The following LPAR3 variants were observed in gnomAD, a reference collection of about 807,000 sequenced individuals.
The protein encoded by LPAR3 is lysophosphatidic acid receptor 3, also known as LPA receptor 3.
Under a neutral mutation model 17.8 loss-of-function variants are expected in LPAR3, and 7 were observed. The observed-to-expected ratio is 0.39, with a 90% CI of 0.22 to 0.74. The LOEUF (loss-of-function observed/expected upper bound fraction) is 0.74, where lower values mean the gene tolerates loss of function less well. LPAR3 is among the 30% of genes least tolerant of loss of function. The pLI is 0.40. For missense variants in LPAR3, 391 were observed against 453.4 expected (o/e 0.86, Z 1.25); for synonymous variants, 179 against 179.9 (o/e 0.99, Z 0.04).
intron 2 of LPAR3, among the ~76,000 whole-genome samples, chr1:84,814,436 C>T (rs1446028959): frequency 6.6e-6 from 1 of 152,180 alleles, no homozygotes; most frequent in Non-Finnish European, 1.5e-5. Flanking sequence ...GAGAGACTCA[C>T]ATTTACATTC....
At chr1:84,860,131 G>A (rs982890828) in intron 2 of LPAR3, among the ~76,000 whole-genome samples, 3 of 152,178 alleles carry the variant, frequency 2.0e-5, no homozygotes, top group Non-Finnish European at 2.9e-5. Flanking sequence ...TTGCCTCAGG[G>A]CTGCTGAAAC....
chr1:84,864,210 T>TC (rs1372481665), intron 2 of LPAR3, among the ~76,000 whole-genome samples: 7 of 145,340 alleles, frequency 4.8e-5, no homozygotes, highest in Non-Finnish European at 6.0e-5. Flanking sequence ...AGGTCCTGTC[T>TC]CAAAAAAAAA....
At chr1:84,815,428 G>A (rs938723615) in intron 2 of LPAR3, among the ~76,000 whole-genome samples, 1 of 152,182 alleles carries the variant, frequency 6.6e-6, no homozygotes, top group South Asian at 2.1e-4. Flanking sequence ...CAGAGAAGAC[G>A]ACAAACAAGC....
intron 2 of LPAR3, among the ~76,000 whole-genome samples, chr1:84,821,334 C>G (rs995197797): frequency 6.6e-6 from 1 of 152,070 alleles, no homozygotes; most frequent in Non-Finnish European, 1.5e-5. Context: ...CACACTGAGG[C>G]CCCTCTGAGG....
intron 1 of LPAR3, among the ~76,000 whole-genome samples, chr1:84,873,252 C>T (rs1189053491): frequency 2.0e-5 from 3 of 152,126 alleles, no homozygotes; most frequent in Non-Finnish European, 4.4e-5. Context: ...TTAACTGCAA[C>T]AAATATACCA....
Position 84,845,767 on chromosome 1 carries a change from C to T in LPAR3, c.736+19618G>A, listed in dbSNP as rs147663289. Reference sequence around the variant, plus strand: ...AAAAGAAAATGCAGGCTTTGATAAACTCAACATGTATTTACTTGAGGAAAA... The same window carrying T: ...AAAAGAAAATGCAGGCTTTGATAAATTCAACATGTATTTACTTGAGGAAAA... On this transcript the variant is annotated intron_variant, in intron 2 of 2. Coordinates refer to ENST00000370611, the MANE Select transcript of LPAR3 (RefSeq NM_012152.3). Among the ~76,000 whole-genome samples the T allele has an allele frequency of 5.4e-3, 815 of 152,246 alleles. 8 individuals are homozygous for T. The highest frequency in any genetic ancestry group is 0.019 in the African/African-American group (771 of 41,548).
In LPAR3 at chr1:84,838,031, T is replaced by G. The variant is rs138885361; in HGVS notation, c.737-23860A>C. Among the ~76,000 whole-genome samples the G allele has an allele frequency of 3.9e-5, 6 of 152,214 alleles. No individual in the cohort carries two copies. In the East Asian group the frequency reaches 1.2e-3, roughly 29 times the overall value. On this transcript the variant is annotated intron_variant, in intron 2 of 2. Coordinates refer to ENST00000370611, the MANE Select transcript of LPAR3 (RefSeq NM_012152.3). ...AAGGTGATGTGATTAAAACATCTCCTTAGAACACTAGAGCTCTGCAAAACA... is the reference window on the plus strand; with the variant it reads ...AAGGTGATGTGATTAAAACATCTCCGTAGAACACTAGAGCTCTGCAAAACA...
intron 2 of LPAR3, among the ~76,000 whole-genome samples, chr1:84,864,797 AAG>A (rs1450343681): frequency 1.3e-5 from 2 of 152,178 alleles, no homozygotes; most frequent in Non-Finnish European, 2.9e-5. Context: ...AAAAAGAAAA[AAG>A]AAAAAAAAAT....
chr1:84,830,305 A>T (rs1659258034), intron 2 of LPAR3, among the ~76,000 whole-genome samples: 1 of 152,142 alleles, frequency 6.6e-6, no homozygotes, highest in Non-Finnish European at 1.5e-5. Flanking sequence ...AGTTAATTAG[A>T]TACATAAACA....
intron 2 of LPAR3, among the ~76,000 whole-genome samples, chr1:84,857,180 G>C (rs1211486342): frequency 1.3e-5 from 2 of 152,128 alleles, no homozygotes; most frequent in African/African-American, 2.4e-5. Flanking sequence ...CAGGTTACTT[G>C]GTGATAGAAC....
chr1:84,855,188 C>A (rs139298133), intron 2 of LPAR3, among the ~76,000 whole-genome samples: 137 of 152,264 alleles, frequency 9.0e-4, no homozygotes, highest in African/African-American at 3.0e-3. Flanking sequence ...AACATGTTTG[C>A]CATAGATACA....
intron 2 of LPAR3, among the ~76,000 whole-genome samples, chr1:84,859,582 G>A (rs573369588): frequency 2.0e-5 from 3 of 152,216 alleles, no homozygotes; most frequent in East Asian, 1.9e-4. Flanking sequence ...ACACAGGCAC[G>A]CAAAGAAAGG....
chr1:84,816,675 G>GTAGTC (rs1340826002), intron 2 of LPAR3, among the ~76,000 whole-genome samples: 3 of 152,132 alleles, frequency 2.0e-5, no homozygotes, highest in African/African-American at 7.2e-5. Context: ...GCAGGCACCT[G>GTAGTC]TAGTCCCAGC....
chr1:84,860,091 C>G (rs1026165832), intron 2 of LPAR3, among the ~76,000 whole-genome samples: 2 of 152,176 alleles, frequency 1.3e-5, no homozygotes, highest in Non-Finnish European at 2.9e-5. Context: ...GGCCCCATCA[C>G]ACATTCTAAC....
At chr1:84,874,246 T>C (rs1365926208) in intron 1 of LPAR3, among the ~76,000 whole-genome samples, 7 of 152,182 alleles carry the variant, frequency 4.6e-5, no homozygotes, top group Non-Finnish European at 8.8e-5. Flanking sequence ...TCAGGTCATC[T>C]TCAGCTCAGA....
intron 2 of LPAR3, among the ~76,000 whole-genome samples, chr1:84,824,264 C>T (rs546101640): frequency 1.3e-5 from 2 of 152,218 alleles, no homozygotes; most frequent in South Asian, 4.1e-4. Context: ...ACCATGCTGC[C>T]TTACAGAGAG....
intron 1 of LPAR3, among the ~76,000 whole-genome samples, chr1:84,887,462 T>C (rs1258068189): frequency 6.6e-6 from 1 of 152,074 alleles, no homozygotes; most frequent in Non-Finnish European, 1.5e-5. Context: ...GTAGTTTCTG[T>C]AGGTACAGGT....
At chr1:84,830,177 C>T (rs1659254327) in intron 2 of LPAR3, among the ~76,000 whole-genome samples, 2 of 152,194 alleles carry the variant, frequency 1.3e-5, no homozygotes, top group African/African-American at 4.8e-5. Flanking sequence ...TGCTAGTTCT[C>T]TCTCGTTCTG....
chr1:84,833,509 T>C (rs115760212), intron 2 of LPAR3, among the ~76,000 whole-genome samples: 376 of 152,270 alleles, frequency 2.5e-3, no homozygotes, highest in Non-Finnish European at 4.1e-3. Flanking sequence ...TCATGATCAT[T>C]AGCTTGCTTT....
Sources: gnomAD v4.1 joint callset for allele counts (sites outside exome capture counted in the v4.1 genomes callset) on GRCh38, gnomAD v4.1.1 for gene constraint, MANE v1.5 for transcripts, NCBI Gene and HGNC (gene_info 2026-07-23, HGNC 2026-07-21) for gene names.